Variants in GSK3B observed in about 807,000 individuals in gnomAD.
The protein encoded by GSK3B is glycogen synthase kinase 3 beta.
Under a neutral mutation model 56.4 loss-of-function variants are expected in GSK3B, and 15 were observed. The observed-to-expected ratio is 0.27, with a 90% CI of 0.18 to 0.41. The LOEUF (loss-of-function observed/expected upper bound fraction) is 0.41, where lower values mean the gene tolerates loss of function less well. GSK3B is among the 10% of genes least tolerant of loss of function. The probability of loss-of-function intolerance (pLI) is 1.00; values close to 1 mark genes in which losing one functional copy is unlikely to be tolerated. For missense variants in GSK3B, 300 were observed against 513.4 expected, an observed-to-expected ratio of 0.58 and a Z score of 4.02; for synonymous variants, 181 against 188.9, an observed-to-expected ratio of 0.96 and a Z score of 0.34.
chr3:119,895,888 C>T (rs1559826930), intron 7 of GSK3B, among the ~76,000 whole-genome samples: 1 of 151,938 alleles, frequency 6.6e-6, no homozygotes, highest in Non-Finnish European at 1.5e-5. Context: ...CTTCGGGAGG[C>T]CAAGGTAGGT....
At chr3:119,969,888 A>G (rs1255747940) in intron 2 of GSK3B, among the ~76,000 whole-genome samples, 1 of 152,208 alleles carries the variant, frequency 6.6e-6, no homozygotes. Flanking sequence ...CATCGTTCTG[A>G]GTAGCGTGGT....
intron 2 of GSK3B, among the ~76,000 whole-genome samples, chr3:119,960,306 T>C (rs531799466): frequency 8.5e-5 from 13 of 152,060 alleles, no homozygotes; most frequent in Middle Eastern, 3.4e-3. Context: ...GGTGGAGTAA[T>C]GGCAGGGAGA....
chr3:120,067,362 T>A (rs1295662592), intron 1 of GSK3B, among the ~76,000 whole-genome samples: 1 of 152,128 alleles, frequency 6.6e-6, no homozygotes. Flanking sequence ...ACTGGAAATA[T>A]TGTAAGTTGA....
chr3:120,028,695 C>A, intron 1 of GSK3B: 1 of 440,350 alleles, frequency 2.3e-6, no homozygotes, highest in South Asian at 1.7e-5. Flanking sequence ...CCACACGTCT[C>A]AAAACCATGT....
chr3:119,821,326 T>C lies in GSK3B; in HGVS notation c.*5462A>G, dbSNP rs1353912515. ...AATAAGAGGACCACACTTTATCGAA[T>C]ATAAATTTGTTTTTATTGAAGCAGC... On this transcript the variant is annotated 3_prime_UTR_variant, in exon 11 of 11. Transcript: ENST00000264235. The C allele has an allele frequency of 1.5e-5, 2 of 136,772 alleles. No individual in the cohort carries two copies. Among genetic ancestry groups the C allele is most frequent in the Non-Finnish European group, 3.1e-5 (2 of 65,478 alleles). 8.5% of individuals were successfully genotyped at this position (136,772 alleles called of 1,614,324 possible).
At chr3:119,998,967 G>C (rs2057650344) in intron 2 of GSK3B, among the ~76,000 whole-genome samples, 1 of 152,048 alleles carries the variant, frequency 6.6e-6, no homozygotes. Flanking sequence ...CTATATCAAG[G>C]TTTAAAGTGC....
intron 9 of GSK3B, 100 bp downstream of exon 9, chr3:119,863,319 C>G: frequency 1.1e-6 from 1 of 913,840 alleles, no homozygotes; most frequent in Non-Finnish European, 1.8e-6. Flanking sequence ...CTTAATATGT[C>G]CGTTTTTGTC....
At chr3:119,841,462 C>A (rs2055771075) in intron 10 of GSK3B, among the ~76,000 whole-genome samples, 1 of 152,072 alleles carries the variant, frequency 6.6e-6, no homozygotes, top group Non-Finnish European at 1.5e-5. Flanking sequence ...GAGTTAGGGC[C>A]TTTTTCATGT....
chr3:119,906,259 C>T (rs761288490), intron 6 of GSK3B, among the ~76,000 whole-genome samples: 10 of 152,024 alleles, frequency 6.6e-5, no homozygotes, highest in Non-Finnish European at 1.2e-4. Flanking sequence ...TTCAATCTCT[C>T]CCAGACACTG....
At chr3:120,085,658 G>C (rs142358797) in intron 1 of GSK3B, among the ~76,000 whole-genome samples, 1 of 152,052 alleles carries the variant, frequency 6.6e-6, no homozygotes, top group Non-Finnish European at 1.5e-5. Context: ...AAAAATTAGC[G>C]GGGAATGGTG....
At chr3:120,004,987 G>T (rs1200619405) in intron 1 of GSK3B, among the ~76,000 whole-genome samples, 2 of 152,112 alleles carry the variant, frequency 1.3e-5, no homozygotes, top group Non-Finnish European at 2.9e-5. Context: ...CCAAGTTAAA[G>T]AAGTATGTTC....
At chr3:120,016,604 A>G (rs1347425705) in intron 1 of GSK3B, among the ~76,000 whole-genome samples, 1 of 152,214 alleles carries the variant, frequency 6.6e-6, no homozygotes, top group Admixed American at 6.5e-5. Flanking sequence ...CTAAAACTCC[A>G]AATATCTTAC....
At chr3:119,854,915 C>T (rs995080946) in intron 9 of GSK3B, among the ~76,000 whole-genome samples, 3 of 152,192 alleles carry the variant, frequency 2.0e-5, no homozygotes, top group Non-Finnish European at 2.9e-5. Context: ...GCGTCTCTAT[C>T]TCCTTCAGTT....
intron 2 of GSK3B, among the ~76,000 whole-genome samples, chr3:119,952,614 A>C (rs962695813): frequency 1.3e-5 from 2 of 152,040 alleles, no homozygotes; most frequent in Non-Finnish European, 2.9e-5. Context: ...CAAAAAAAAA[A>C]ACATGAGAGG....
At chr3:119,880,676 T>C (rs1345827826) in intron 7 of GSK3B, among the ~76,000 whole-genome samples, 4 of 152,138 alleles carry the variant, frequency 2.6e-5, no homozygotes, top group Non-Finnish European at 4.4e-5. Flanking sequence ...AAACTCCTAA[T>C]GTTATTGGAA....
intron 1 of GSK3B, among the ~76,000 whole-genome samples, chr3:120,038,950 G>C (rs932142302): frequency 4.7e-5 from 7 of 150,478 alleles, no homozygotes; most frequent in Non-Finnish European, 8.8e-5. Context: ...ACACATATCT[G>C]ATAAAGGGCT....
intron 1 of GSK3B, among the ~76,000 whole-genome samples, chr3:120,024,095 A>C (rs2057902964): frequency 6.6e-6 from 1 of 152,194 alleles, no homozygotes; most frequent in Non-Finnish European, 1.5e-5. Flanking sequence ...TTGGGAGGCC[A>C]AGTGAGAGGA....
chr3:119,857,809 A>C (rs2056041834), intron 9 of GSK3B, among the ~76,000 whole-genome samples: 2 of 152,226 alleles, frequency 1.3e-5, no homozygotes, highest in Non-Finnish European at 2.9e-5. Context: ...CAGCCTTATG[A>C]AATGCATTTC....
At chr3:119,954,699 C>A (rs924869024) in intron 2 of GSK3B, among the ~76,000 whole-genome samples, 3 of 152,002 alleles carry the variant, frequency 2.0e-5, no homozygotes, top group Non-Finnish European at 4.4e-5. Context: ...TTGTTTTAAC[C>A]AATACTCATT....
Sources: allele counts gnomAD v4.1 joint callset (sites outside exome capture counted in the v4.1 genomes callset), GRCh38; gene constraint gnomAD v4.1.1; transcripts MANE v1.5; gene names NCBI Gene and HGNC (gene_info 2026-07-23, HGNC 2026-07-21).